The following LMBRD1 variants were observed in gnomAD, a reference collection of about 807,000 sequenced individuals.
LMBRD1 encodes LMBR1 domain containing 1.
LMBRD1 carries 64 observed loss-of-function variants against 74.8 expected under a neutral mutation model. The ratio of observed to expected loss-of-function variants is 0.86; its 90% CI spans 0.70 to 1.05. The LOEUF (loss-of-function observed/expected upper bound fraction) is 1.05, where lower values mean the gene tolerates loss of function less well. Among genes scored for constraint, LMBRD1 ranks in the 50% least tolerant of loss-of-function variants. The pLI, the probability that LMBRD1 is intolerant of heterozygous loss-of-function variation, is 0.00. For synonymous variants in LMBRD1, 204 were observed against 216.3 expected (o/e 0.94, Z 0.50); for missense variants, 652 against 645.9 (o/e 1.01, Z -0.10).
chr6:69,716,053 T>C (rs547971278), intron 8 of LMBRD1, among the ~76,000 whole-genome samples: 2 of 152,324 alleles, frequency 1.3e-5, no homozygotes, highest in African/African-American at 2.4e-5. Context: ...GTCTTTGCTA[T>C]TGTGAATAGT....
intron 2 of LMBRD1, among the ~76,000 whole-genome samples, chr6:69,789,222 CA>C (rs1225048715): frequency 6.6e-6 from 1 of 152,100 alleles, no homozygotes; most frequent in Non-Finnish European, 1.5e-5. Flanking sequence ...AAAATATTTT[CA>C]AATTATTTAC....
chr6:69,678,403 A>G (rs530447675), intron 14 of LMBRD1, among the ~76,000 whole-genome samples: 1 of 151,966 alleles, frequency 6.6e-6, no homozygotes, highest in Admixed American at 6.6e-5. Context: ...GTAGAATAGG[A>G]GGCAGGAGAG....
chr6:69,736,491 T>C (rs1582104271), intron 7 of LMBRD1, among the ~76,000 whole-genome samples: 1 of 152,146 alleles, frequency 6.6e-6, no homozygotes, highest in Non-Finnish European at 1.5e-5. Context: ...TGAGTAGAAG[T>C]CTTACATCTT....
At chr6:69,731,234 C>G (rs1766850480) in intron 7 of LMBRD1, among the ~76,000 whole-genome samples, 1 of 151,926 alleles carries the variant, frequency 6.6e-6, no homozygotes, top group South Asian at 2.1e-4. Context: ...CAAAATACAA[C>G]CTAGTGTTCA....
intron 4 of LMBRD1, among the ~76,000 whole-genome samples, chr6:69,751,413 G>A (rs773359751): frequency 2.6e-5 from 4 of 151,482 alleles, no homozygotes; most frequent in Non-Finnish European, 5.9e-5. Flanking sequence ...TGCAACCTCC[G>A]CCTCGCGGGT....
chr6:69,748,377 A>G (rs1195130639), intron 5 of LMBRD1, among the ~76,000 whole-genome samples: 1 of 152,150 alleles, frequency 6.6e-6, no homozygotes, highest in Non-Finnish European at 1.5e-5. Context: ...CTCCAGAGCT[A>G]AAATACATAG....
At chr6:69,762,077 T>G (rs1765386350) in intron 3 of LMBRD1, among the ~76,000 whole-genome samples, 1 of 152,220 alleles carries the variant, frequency 6.6e-6, no homozygotes, top group African/African-American at 2.4e-5. Context: ...ACACAAGCCA[T>G]GCCATAATTT....
chr6:69,739,966 C>G (rs1767064360), intron 6 of LMBRD1, among the ~76,000 whole-genome samples: 1 of 152,036 alleles, frequency 6.6e-6, no homozygotes, highest in South Asian at 2.1e-4. Flanking sequence ...ATTAGCTAAG[C>G]GTGGTGGCGG....
chr6:69,780,382 A>AT (rs1765804344), intron 3 of LMBRD1, 112 bp downstream of exon 3: 4 of 794,766 alleles, frequency 5.0e-6, no homozygotes, highest in Non-Finnish European at 6.7e-6. Flanking sequence ...TGTCCATGTC[A>AT]TTTTTTTCTA....
In LMBRD1 at chr6:69,676,275, T is replaced by C. The variant is rs749367951; in HGVS notation, c.1510-4A>G. 8.1e-6 allele frequency: 13 copies of C among 1,611,436 alleles called. No homozygotes were observed. Among genetic ancestry groups the C allele is most frequent in the African/African-American group, 4.0e-5 (3 of 74,838 alleles). The stretch of plus-strand genomic sequence containing the variant: ...CAATTAATCCAATCAAAAATACCTG[T>C]AAATTTAAATAAGCCATGTGTTATT... On this transcript the variant is annotated splice_region_variant and splice_polypyrimidine_tract_variant and intron_variant, in intron 15 of 15. Transcript: ENST00000649934.
rs1267317299 is a variant in LMBRD1, at chr6:69,674,405, T to G, written c.*1753A>C. 5.3e-5 allele frequency among the ~76,000 whole-genome samples: 8 copies of G among 152,166 alleles called. No individual in the cohort carries two copies. Among genetic ancestry groups the G allele is most frequent in the African/African-American group, 1.9e-4 (8 of 41,450 alleles). On this transcript the variant is annotated 3_prime_UTR_variant, in exon 16 of 16. Coordinates refer to ENST00000649934, the MANE Select transcript of LMBRD1 (RefSeq NM_018368.4). The stretch of plus-strand genomic sequence containing the variant: ...CAAATGGAAAGATAGGAAGTAGAAA[T>G]TAACATGACATGATTGTTTGATGAG...
In LMBRD1 at chr6:69,756,513, A is replaced by C. The variant is rs752831220; in HGVS notation, c.308-4157T>G. Among the ~76,000 whole-genome samples the C allele has an allele frequency of 1.3e-3, 205 of 152,360 alleles. 2 individuals carry two copies. Among genetic ancestry groups the C allele is most frequent in the South Asian group, 1.7e-3 (8 of 4,834 alleles). On this transcript the variant is annotated intron_variant, in intron 3 of 15. Transcript: ENST00000649934. Reference sequence around the variant, plus strand: ...TACCAAGTGTTGGCAAGAATGCAGAAACAACTAACATTATCATACTTTACT... The same window carrying C: ...TACCAAGTGTTGGCAAGAATGCAGACACAACTAACATTATCATACTTTACT...
chr6:69,756,362 C>CAAAAAAAAAAAA (rs57798368), intron 3 of LMBRD1, among the ~76,000 whole-genome samples: 18 of 110,374 alleles, frequency 1.6e-4, no homozygotes, highest in African/African-American at 5.5e-4. Flanking sequence ...GACTCAATCT[C>CAAAAAAAAAAAA]AAAAAAAAAA....
chr6:69,731,924 T>C (rs1766867609), intron 7 of LMBRD1, among the ~76,000 whole-genome samples: 1 of 152,146 alleles, frequency 6.6e-6, no homozygotes, highest in Admixed American at 6.6e-5. Flanking sequence ...TTTCATATTT[T>C]CCTTGTTATG....
chr6:69,674,370 G>A lies in LMBRD1; in HGVS notation c.*1788C>T, dbSNP rs536598376. Among the ~76,000 whole-genome samples the A allele has an allele frequency of 1.3e-5, 2 of 152,320 alleles. No homozygotes were observed. The highest frequency in any genetic ancestry group is 4.1e-4 in the South Asian group (2 of 4,830). On this transcript the variant is annotated 3_prime_UTR_variant, in exon 16 of 16. Coordinates refer to ENST00000649934, the MANE Select transcript of LMBRD1 (RefSeq NM_018368.4). ...TTCAGCCTATAACATAGAAAGTGGA[G>A]AAGAAGGGACAAATGGAAAGATAGG...
intron 14 of LMBRD1, among the ~76,000 whole-genome samples, chr6:69,691,152 T>C (rs1158267509): frequency 6.6e-6 from 1 of 151,364 alleles, no homozygotes; most frequent in African/African-American, 2.4e-5. Flanking sequence ...TCTCTCTCTT[T>C]TTTTTTTTAA....
rs559954379 is a variant in LMBRD1, at chr6:69,739,247, G to A, written c.563-1232C>T. On this transcript the variant is annotated intron_variant, in intron 6 of 15. Transcript: ENST00000649934. ...GACATGCTGACATATTTGGCCAATC[G>A]AAATGTTAATATTACTAATAGTCAA... is the stretch of plus-strand genomic sequence containing the variant. Among the ~76,000 whole-genome samples, 6 of 152,056 alleles carry A rather than the reference G, an allele frequency of 3.9e-5. No individual in the cohort carries two copies. The East Asian group carries it at 7.7e-4, about 20-fold the overall frequency.
intron 2 of LMBRD1, among the ~76,000 whole-genome samples, chr6:69,785,151 C>A (rs1014269213): frequency 1.3e-5 from 2 of 152,154 alleles, no homozygotes; most frequent in African/African-American, 4.8e-5. Flanking sequence ...AAAAAGCTAT[C>A]ATTCTTTCTT....
At chr6:69,724,590 A>C (rs1484095126) in intron 7 of LMBRD1, among the ~76,000 whole-genome samples, 1 of 150,220 alleles carries the variant, frequency 6.7e-6, no homozygotes, top group Non-Finnish European at 1.5e-5. Flanking sequence ...GTTGTAATAC[A>C]TCATATCAAG....
Sources: allele counts gnomAD v4.1 joint callset (sites outside exome capture counted in the v4.1 genomes callset), GRCh38; gene constraint gnomAD v4.1.1; transcripts MANE v1.5; gene names NCBI Gene and HGNC (gene_info 2026-07-23, HGNC 2026-07-21).